TTLL11: variants seen among roughly 807,000 people sequenced by gnomAD.
TTLL11 encodes tubulin polyglutamylase TTLL11.
In TTLL11, 42 loss-of-function variants were observed where a neutral mutation model predicts 51.7. The observed-to-expected ratio is 0.81, with a 90% CI of 0.64 to 1.05. The LOEUF is 1.05. Ranked by LOEUF, TTLL11 falls within the 50% of genes least tolerant of loss-of-function variation. TTLL11 has a pLI of 0.00. For synonymous variants in TTLL11, 381 were observed against 383.5 expected, an observed-to-expected ratio of 0.99 and a Z score of 0.08; for missense variants, 799 against 940.4, an observed-to-expected ratio of 0.85 and a Z score of 1.97.
intron 6 of TTLL11, among the ~76,000 whole-genome samples, chr9:121,876,631 G>C (rs920335757): frequency 6.6e-6 from 1 of 152,088 alleles, no homozygotes; most frequent in Non-Finnish European, 1.5e-5. Flanking sequence ...GAGAGGAATG[G>C]CAAGATTAAA....
intron 8 of TTLL11, among the ~76,000 whole-genome samples, chr9:121,851,922 C>A (rs1221020495): frequency 2.0e-5 from 3 of 152,192 alleles, no homozygotes; most frequent in African/African-American, 7.2e-5. Flanking sequence ...AAGGGCCAGA[C>A]CATCCTACTA....
Position 121,941,415 on chromosome 9 carries a change from T to C in TTLL11, c.1481+32594A>G, listed in dbSNP as rs73555638. The stretch of plus-strand genomic sequence containing the variant: ...TCAGTGGTGATGGTGACAACAGTGA[T>C]GACAACAGCCGACATTTGCGGAGCA... On this transcript the variant is annotated intron_variant, in intron 6 of 8. Transcript: ENST00000321582. 2.1e-3 allele frequency among the ~76,000 whole-genome samples: 325 copies of C among 152,336 alleles called. 1 individual carries two copies. In the Middle Eastern group the frequency reaches 0.024, roughly 11 times the overall value.
chr9:121,890,276 A>G lies in TTLL11; in HGVS notation c.1482-19528T>C, dbSNP rs536935179. ...CCTCTCCCCTCACAAGCATCAAGCC[A>G]GCCAAGTCCTATCCCTCCTGTCACT... On this transcript the variant is annotated intron_variant, in intron 6 of 8. Transcript: ENST00000321582. The surrounding 1 kb of genome is among the most constrained non-coding windows in gnomAD (Gnocchi z 4.3). Among the ~76,000 whole-genome samples the G allele has an allele frequency of 1.3e-5, 2 of 152,300 alleles. No homozygotes were observed. The highest frequency in any genetic ancestry group is 4.8e-5 in the African/African-American group (2 of 41,570).
rs1843235716 is a variant in TTLL11, at chr9:121,995,715, A to G, written c.694-5945T>C. Among the ~76,000 whole-genome samples, 1 of 152,180 alleles carries G rather than the reference A, an allele frequency of 6.6e-6. No individual in the cohort carries two copies. The highest frequency in any genetic ancestry group is 2.1e-4 in the South Asian group (1 of 4,830). ...AATTTAGGACTTTATAATATCCCGC[A>G]AGCCCTCTACTGTTCATCGGAACCA... On this transcript the variant is annotated intron_variant, in intron 3 of 8. Coordinates refer to ENST00000321582, the MANE Select transcript of TTLL11 (RefSeq NM_001139442.2). This position sits in a 1 kb window ranked among gnomAD's most constrained non-coding sequence, Gnocchi z 4.4.
At chr9:121,885,123 T>TC (rs1838959179) in intron 6 of TTLL11, 1 of 152,130 alleles carries the variant, frequency 6.6e-6, no homozygotes, top group South Asian at 2.1e-4. Flanking sequence ...TTTCTGGAAG[T>TC]CCAACACCTG....
At chr9:122,055,068 T>C (rs1421924111) in intron 1 of TTLL11, among the ~76,000 whole-genome samples, 1 of 152,104 alleles carries the variant, frequency 6.6e-6, no homozygotes, top group East Asian at 1.9e-4. Context: ...CATAAGCAAG[T>C]CATGCCTCTG....
chr9:121,843,403 G>A (rs753860657), intron 8 of TTLL11, among the ~76,000 whole-genome samples: 5 of 151,882 alleles, frequency 3.3e-5, no homozygotes, highest in Non-Finnish European at 7.4e-5. Flanking sequence ...CATTTCACTC[G>A]TAATTGATGA....
chr9:121,835,800 C>T (rs1280900798), intron 8 of TTLL11, among the ~76,000 whole-genome samples: 1 of 152,182 alleles, frequency 6.6e-6, no homozygotes, highest in Non-Finnish European at 1.5e-5. Flanking sequence ...CCTGAGTCAC[C>T]ATCTGGGAAG....
At chr9:122,037,996 T>C (rs1222175278) in intron 2 of TTLL11, among the ~76,000 whole-genome samples, 1 of 152,144 alleles carries the variant, frequency 6.6e-6, no homozygotes, top group Non-Finnish European at 1.5e-5. Flanking sequence ...AAACAGTAAA[T>C]TGATTCTCCC....
chr9:122,092,260 C>T (rs1253649618), intron 1 of TTLL11, among the ~76,000 whole-genome samples: 1 of 152,122 alleles, frequency 6.6e-6, no homozygotes, highest in African/African-American at 2.4e-5. Flanking sequence ...TGTCTGCCTC[C>T]AAAATAAAAA....
chr9:122,008,333 T>C (rs1017078893), intron 3 of TTLL11, among the ~76,000 whole-genome samples: 44 of 152,208 alleles, frequency 2.9e-4, no homozygotes, highest in African/African-American at 1.0e-3. Context: ...ACCAGACATC[T>C]GATAAAGGGT....
intron 8 of TTLL11, among the ~76,000 whole-genome samples, chr9:121,858,547 T>C (rs1837898577): frequency 6.6e-6 from 1 of 152,194 alleles, no homozygotes; most frequent in African/African-American, 2.4e-5. Flanking sequence ...CAGCAAATGA[T>C]GTCTGAGCGC....
At position 121,920,581 on chromosome 9, in the gene TTLL11, A is replaced by C. The variant is rs1840499210; in HGVS notation, c.1482-49833T>G. ...TTGACAGATAATCAAACCAAAGGTAAGGTTGACATCCTTTTCTAAAGTGAG... is the reference window on the plus strand; with the variant it reads ...TTGACAGATAATCAAACCAAAGGTACGGTTGACATCCTTTTCTAAAGTGAG... On this transcript the variant is annotated intron_variant, in intron 6 of 8. Transcript: ENST00000321582. 2.0e-5 allele frequency among the ~76,000 whole-genome samples: 3 copies of C among 152,348 alleles called. No individual in the cohort carries two copies. The South Asian group carries it at 6.2e-4, about 32-fold the overall frequency.
At chr9:122,081,900 A>G (rs563413845) in intron 1 of TTLL11, among the ~76,000 whole-genome samples, 2 of 152,364 alleles carry the variant, frequency 1.3e-5, no homozygotes, top group South Asian at 4.1e-4. Context: ...AGATAAAATG[A>G]ACAAAAAATA....
At chr9:121,983,747 C>G (rs1274640450) in intron 4 of TTLL11, among the ~76,000 whole-genome samples, 1 of 152,154 alleles carries the variant, frequency 6.6e-6, no homozygotes, top group East Asian at 1.9e-4. Context: ...TGGACCCTCT[C>G]ATAGCATTTC....
chr9:121,957,096 T>A (rs1047585341), intron 6 of TTLL11, among the ~76,000 whole-genome samples: 4 of 152,156 alleles, frequency 2.6e-5, no homozygotes. Context: ...TGTGGTTCTA[T>A]CCTCGACTCC....
intron 6 of TTLL11, among the ~76,000 whole-genome samples, chr9:121,916,363 G>T (rs1840327353): frequency 6.6e-6 from 1 of 152,186 alleles, no homozygotes; most frequent in South Asian, 2.1e-4. Flanking sequence ...AGGATTGAAA[G>T]CAAATTGTTT....
intron 1 of TTLL11, among the ~76,000 whole-genome samples, chr9:122,080,910 A>C (rs1845988296): frequency 6.6e-6 from 1 of 152,228 alleles, no homozygotes. Context: ...GTGGACATTA[A>C]TGTTAATGAT....
intron 3 of TTLL11, among the ~76,000 whole-genome samples, chr9:122,011,749 A>T (rs1431200653): frequency 1.3e-5 from 2 of 152,226 alleles, no homozygotes; most frequent in Non-Finnish European, 2.9e-5. Context: ...TATTTGTATT[A>T]TTCTTACAAT....
Sources: gnomAD v4.1 joint callset for allele counts (sites outside exome capture counted in the v4.1 genomes callset) on GRCh38, gnomAD v4.1.1 for gene constraint, Gnocchi (gnomAD v3.1) non-coding constraint, MANE v1.5 for transcripts, NCBI Gene and HGNC (gene_info 2026-07-23, HGNC 2026-07-21) for gene names.